KIFC3: variants seen among roughly 807,000 people sequenced by gnomAD.
The protein encoded by KIFC3 is kinesin-like protein KIFC3.
KIFC3 carries 60 observed loss-of-function variants against 101.8 expected under a neutral mutation model. The ratio of observed to expected loss-of-function variants is 0.59; its 90% confidence interval spans 0.48 to 0.73. The LOEUF is 0.73. KIFC3 is among the 30% of genes least tolerant of loss of function. The pLI, the probability that KIFC3 is intolerant of heterozygous loss-of-function variation, is 0.00. For synonymous variants in KIFC3, 476 were observed against 482.7 expected (o/e 0.99, Z 0.18); for missense variants, 966 against 1,137.1 (o/e 0.85, Z 2.16).
At chr16:57,815,387 T>G in intron 1 of KIFC3, 1 of 1,149,460 alleles carries the variant, frequency 8.7e-7, no homozygotes, top group Non-Finnish European at 1.1e-6. Context: ...TGCTTAGAGA[T>G]CCACACCGCA....
chr16:57,814,827 G>A (rs1240826989), intron 1 of KIFC3, among the ~76,000 whole-genome samples: 3 of 152,020 alleles, frequency 2.0e-5, no homozygotes, highest in Non-Finnish European at 4.4e-5. Context: ...TCACCATGTT[G>A]CCCAGGCTGA....
intron 18 of KIFC3, chr16:57,759,459 A>G: frequency 1.7e-6 from 1 of 580,732 alleles, no homozygotes; most frequent in South Asian, 2.1e-5. Context: ...GCAGGGTCCC[A>G]GGGTAGAGTC....
chr16:57,766,191 G>A (rs953925820), intron 10 of KIFC3, among the ~76,000 whole-genome samples: 3 of 152,172 alleles, frequency 2.0e-5, no homozygotes, highest in African/African-American at 7.2e-5. Context: ...TGGGATCCCT[G>A]TGCTCTTGGA....
intron 1 of KIFC3, among the ~76,000 whole-genome samples, chr16:57,814,939 T>A (rs1264535018): frequency 1.3e-5 from 2 of 152,200 alleles, no homozygotes; most frequent in South Asian, 4.1e-4. Flanking sequence ...GCCATTCTTT[T>A]GTCCGCTATA....
Position 57,798,171 on chromosome 16 carries a change from C to A in KIFC3, c.73G>T (p.Ala25Ser), listed in dbSNP as rs782767453. ...GCCATCCCCGGCTCGGGCTCCGGGGCCCGGCCCACTCTCCACAGGCCCCGC... is the reference window on the plus strand; with the variant it reads ...GCCATCCCCGGCTCGGGCTCCGGGGACCGGCCCACTCTCCACAGGCCCCGC... ...SLRGLWRVGR[A>S]PEPEPGMARP... Residue 25 changes from alanine (A) to serine (S), a missense_variant, in exon 2 of 20, where the codon GCC becomes TCC. Ala to Ser is a moderately conservative substitution (Grantham distance 99). Coordinates refer to ENST00000445690, the MANE Select transcript of KIFC3 (RefSeq NM_001130100.2). The A allele has an allele frequency of 6.5e-6, 10 of 1,539,910 alleles. No homozygotes were observed. The East Asian group carries it at 2.4e-4, about 38-fold the overall frequency.
intron 3 of KIFC3, among the ~76,000 whole-genome samples, chr16:57,794,259 G>T (rs2911355): frequency 6.6e-6 from 1 of 150,894 alleles, no homozygotes; most frequent in African/African-American, 2.4e-5. Flanking sequence ...TTGAGACAGG[G>T]TCTCACTCTG....
intron 3 of KIFC3, among the ~76,000 whole-genome samples, chr16:57,787,459 G>A (rs1276389726): frequency 2.0e-5 from 3 of 152,222 alleles, no homozygotes; most frequent in African/African-American, 2.4e-5. Flanking sequence ...TCAGCACCGC[G>A]GCAGGGCAGT....
intron 1 of KIFC3, among the ~76,000 whole-genome samples, chr16:57,832,377 G>A (rs61523181): frequency 0.01 from 1,126 of 110,912 alleles, 14 homozygotes; most frequent in African/African-American, 0.037. Flanking sequence ...AAGCTAGAAC[G>A]CATCAGCGCA....
intron 1 of KIFC3, among the ~76,000 whole-genome samples, chr16:57,830,167 A>G (rs1172912958): frequency 1.3e-5 from 2 of 151,140 alleles, no homozygotes; most frequent in Non-Finnish European, 2.9e-5. Flanking sequence ...CCACTCAGCC[A>G]TTTAATTTGC....
chr16:57,809,516 G>A (rs1177364279), intron 1 of KIFC3, among the ~76,000 whole-genome samples: 11 of 152,166 alleles, frequency 7.2e-5, no homozygotes, highest in African/African-American at 1.9e-4. Flanking sequence ...CCCTGACTGA[G>A]CTGGCCATTC....
At chr16:57,833,926 G>A (rs2055635765) in intron 1 of KIFC3, among the ~76,000 whole-genome samples, 1 of 139,940 alleles carries the variant, frequency 7.1e-6, no homozygotes, top group African/African-American at 2.6e-5. Flanking sequence ...GGAGTGCAAT[G>A]GCATGATCTA....
At chr16:57,771,731 T>G in intron 4 of KIFC3, 45 bp from the exon 5 acceptor site, 2 of 1,580,070 alleles carry the variant, frequency 1.3e-6, no homozygotes, top group Non-Finnish European at 1.7e-6. Context: ...CGAGGGCAGA[T>G]GACGGGGGAA....
chr16:57,838,940 G>A (rs1287297217), intron 1 of KIFC3, among the ~76,000 whole-genome samples: 2 of 152,170 alleles, frequency 1.3e-5, no homozygotes, highest in African/African-American at 4.8e-5. Flanking sequence ...GGGAAACACT[G>A]GGGAGGCCTG....
intron 16 of KIFC3, 104 bp from the exon 17 acceptor site, chr16:57,760,520 G>A (rs2049715004): frequency 7.2e-7 from 1 of 1,398,044 alleles, no homozygotes; most frequent in Non-Finnish European, 9.9e-7. Context: ...TCCTGGAGAG[G>A]CCTGAGGGAT....
At chr16:57,774,959 C>G in intron 3 of KIFC3, 1 of 1,520,204 alleles carries the variant, frequency 6.6e-7, no homozygotes, top group Non-Finnish European at 8.8e-7. Flanking sequence ...GCTGCCTCAG[C>G]ATGGGGCTGG....
intron 12 of KIFC3, among the ~76,000 whole-genome samples, chr16:57,762,501 T>C (rs1378338760): frequency 6.6e-6 from 1 of 152,184 alleles, no homozygotes; most frequent in Non-Finnish European, 1.5e-5. Context: ...CTGAGACTTA[T>C]AGTGCAGCAC....
At chr16:57,805,693 TGA>T (rs2054920874), upstream of KIFC3, among the ~76,000 whole-genome samples, 3 of 112,134 alleles carry the variant, frequency 2.7e-5, no homozygotes, top group African/African-American at 8.4e-5. Context: ...TTTTTTTTTT[TGA>T]GACAGAGTCT....
chr16:57,772,124 GC>G (rs2051318810), intron 4 of KIFC3, 98 bp downstream of exon 4: 29 of 1,005,668 alleles, frequency 2.9e-5, no homozygotes, highest in Non-Finnish European at 4.3e-5. Context: ...GGATATGCGG[GC>G]TCAGGAGAGA....
At chr16:57,848,141 T>A (rs1427397598) in intron 1 of KIFC3, among the ~76,000 whole-genome samples, 1 of 152,216 alleles carries the variant, frequency 6.6e-6, no homozygotes, top group Non-Finnish European at 1.5e-5. Context: ...AAATACTTTG[T>A]AAAGAAGCCA....
Sources: allele counts gnomAD v4.1 joint callset (sites outside exome capture counted in the v4.1 genomes callset), GRCh38; gene constraint gnomAD v4.1.1; transcripts MANE v1.5; gene names NCBI Gene and HGNC (gene_info 2026-07-23, HGNC 2026-07-21).